Variants in TCEA1 observed in about 807,000 individuals in gnomAD.
TCEA1 encodes transcription elongation factor A protein 1.
TCEA1 carries 21 observed loss-of-function variants against 43.8 expected under a neutral mutation model. The ratio of observed to expected loss-of-function variants is 0.48; its 90% CI spans 0.34 to 0.69. TCEA1 has a LOEUF of 0.69. Ranked by LOEUF, TCEA1 falls within the 30% of genes least tolerant of loss-of-function variation. The pLI, the probability that TCEA1 is intolerant of heterozygous loss-of-function variation, is 0.01. For synonymous variants in TCEA1, 104 were observed against 117.5 expected (o/e 0.88, Z 0.75); for missense variants, 250 against 365.1 (o/e 0.68, Z 2.57).
chr8:53,987,977 C>CAACTTTT, intron 5 of TCEA1, 137 bp downstream of exon 5: 2 of 1,079,998 alleles, frequency 1.9e-6, no homozygotes, highest in South Asian at 2.1e-5. Context: ...GTATCAGCAA[C>CAACTTTT]AACTTCTCCC....
chr8:53,985,297 G>A (rs766417515), intron 6 of TCEA1, among the ~76,000 whole-genome samples: 5 of 152,170 alleles, frequency 3.3e-5, no homozygotes, highest in Non-Finnish European at 5.9e-5. Flanking sequence ...GATTATAGGC[G>A]TGAGCCACCG....
At chr8:53,978,980 C>T (rs1463075903) in intron 8 of TCEA1, 45 bp downstream of exon 8, 1 of 1,553,246 alleles carries the variant, frequency 6.4e-7, no homozygotes, top group Non-Finnish European at 8.7e-7. Flanking sequence ...ACAGGAGTTG[C>T]AAGCATTTTT....
intron 8 of TCEA1, among the ~76,000 whole-genome samples, chr8:53,974,820 G>A (rs956072478): frequency 3.9e-5 from 6 of 152,010 alleles, no homozygotes; most frequent in African/African-American, 9.7e-5. Flanking sequence ...GTGAGCCACC[G>A]CACCCAGCCT....
chr8:53,991,039 CA>C (rs1803859118), intron 4 of TCEA1, among the ~76,000 whole-genome samples: 1 of 152,082 alleles, frequency 6.6e-6, no homozygotes, highest in Non-Finnish European at 1.5e-5. Context: ...ACTTCACATA[CA>C]GTAATTTTCT....
chr8:53,992,073 A>C (rs1429982336), intron 4 of TCEA1, among the ~76,000 whole-genome samples: 1 of 151,984 alleles, frequency 6.6e-6, no homozygotes. Context: ...GCACTTTGGG[A>C]GGCTGAGGCA....
chr8:53,993,706 T>C lies in TCEA1; in HGVS notation c.282A>G (p.Ala94=). The change falls in exon 4 of 10, where the codon GCA becomes GCG. Residue 94 remains alanine (A), a synonymous_variant. Coordinates refer to ENST00000521604, the MANE Select transcript of TCEA1 (RefSeq NM_006756.4). The stretch of plus-strand genomic sequence containing the variant: ...CCTCAGGGCTGTTCTGCGATGTAAT[T>C]GCAGGTTCTTTCTTCTTTTCGTCAA... ...KDLDEKKKEP[A]ITSQNSPEAR... 1.2e-6 allele frequency: 2 copies of C among 1,613,862 alleles called. No individual in the cohort carries two copies.
chr8:53,996,897 G>C (rs1037288519), intron 3 of TCEA1, among the ~76,000 whole-genome samples: 1 of 101,278 alleles, frequency 9.9e-6, no homozygotes, highest in African/African-American at 6.2e-5. Context: ...GTAAAAAGAA[G>C]GTTGTCTTTT....
intron 1 of TCEA1, among the ~76,000 whole-genome samples, chr8:54,018,566 G>A (rs1012552935): frequency 6.6e-6 from 1 of 152,178 alleles, no homozygotes; most frequent in Non-Finnish European, 1.5e-5. Context: ...GTTCAGAAAA[G>A]CCAGGATTTG....
intron 5 of TCEA1, 78 bp downstream of exon 5, chr8:53,988,036 A>G: frequency 6.5e-7 from 1 of 1,528,544 alleles, no homozygotes; most frequent in South Asian, 1.3e-5. Flanking sequence ...CACTCATCAA[A>G]CAGCAATATG....
rs143772769 is a variant in TCEA1 at position 53,968,811 on chromosome 8, T to C, written c.898-699A>G. Among the ~76,000 whole-genome samples, 404 of 152,138 alleles carry C rather than the reference T, an allele frequency of 2.7e-3. 4 individuals carry two copies. Among genetic ancestry groups the C allele is most frequent in the African/African-American group, 9.4e-3 (388 of 41,496 alleles). On this transcript the variant is annotated intron_variant, in intron 9 of 9. Coordinates refer to ENST00000521604, the MANE Select transcript of TCEA1 (RefSeq NM_006756.4). ...CAACAACAACAAAAAAGATCCATCA[T>C]GCAAAACAAATCCAAGAGAACAGGC...
At chr8:54,001,520 T>C (rs1372145242) in intron 2 of TCEA1, among the ~76,000 whole-genome samples, 2 of 152,084 alleles carry the variant, frequency 1.3e-5, no homozygotes, top group Admixed American at 1.3e-4. Context: ...CCCCAAACAA[T>C]TTGGGGTTAA....
chr8:53,972,343 C>G, intron 8 of TCEA1: 1 of 489,472 alleles, frequency 2.0e-6, no homozygotes, highest in Non-Finnish European at 4.0e-6. Context: ...GATGATGATG[C>G]AAGTGACAGC....
chr8:53,977,116 G>C (rs1188853336), intron 8 of TCEA1, among the ~76,000 whole-genome samples: 1 of 152,110 alleles, frequency 6.6e-6, no homozygotes, highest in Non-Finnish European at 1.5e-5. Context: ...TCAGGAGATC[G>C]AGACCACCCT....
chr8:53,991,610 C>T (rs1420930536), intron 4 of TCEA1, among the ~76,000 whole-genome samples: 2 of 151,724 alleles, frequency 1.3e-5, no homozygotes, highest in Non-Finnish European at 2.9e-5. Flanking sequence ...AGGAGAATCC[C>T]TTGAATCCAG....
intron 2 of TCEA1, among the ~76,000 whole-genome samples, chr8:54,007,464 A>G (rs1804509255): frequency 6.6e-6 from 1 of 152,192 alleles, no homozygotes; most frequent in Non-Finnish European, 1.5e-5. Context: ...TACAGGCACG[A>G]GCCACTGTGC....
At chr8:54,010,310 G>C in intron 2 of TCEA1, 120 bp downstream of exon 2, 1 of 717,474 alleles carries the variant, frequency 1.4e-6, no homozygotes. Flanking sequence ...AAAAAAAATA[G>C]CAGTTAGTAA....
chr8:54,004,017 C>A (rs191468037), intron 2 of TCEA1, among the ~76,000 whole-genome samples: 2 of 150,860 alleles, frequency 1.3e-5, no homozygotes, highest in African/African-American at 4.8e-5. Context: ...ATAAAAATAA[C>A]CAACAAGCAC....
chr8:53,989,324 T>C (rs748727857), intron 4 of TCEA1, among the ~76,000 whole-genome samples: 29 of 152,222 alleles, frequency 1.9e-4, no homozygotes, highest in Non-Finnish European at 3.5e-4. Context: ...ATAATCTTCA[T>C]GATTACAATT....
chr8:53,989,754 T>A (rs192377230), intron 4 of TCEA1, among the ~76,000 whole-genome samples: 119 of 152,244 alleles, frequency 7.8e-4, no homozygotes, highest in African/African-American at 1.6e-3. Flanking sequence ...ATTTATTATT[T>A]TTTTTTTTAA....
Sources: gnomAD v4.1 joint callset for allele counts (sites outside exome capture counted in the v4.1 genomes callset) on GRCh38, gnomAD v4.1.1 for gene constraint, MANE v1.5 for transcripts, NCBI Gene and HGNC (gene_info 2026-07-23, HGNC 2026-07-21) for gene names.